ENOX1: variants seen among roughly 807,000 people sequenced by gnomAD.
The protein encoded by ENOX1 is ecto-NOX disulfide-thiol exchanger 1.
ENOX1 carries 42 observed loss-of-function variants against 82.5 expected under a neutral mutation model. The observed-to-expected ratio is 0.51, with a 90% CI of 0.40 to 0.66. The LOEUF is 0.66. Among genes scored for constraint, ENOX1 ranks in the 30% least tolerant of loss-of-function variants. The probability of loss-of-function intolerance (pLI) is 0.00; values close to 1 mark genes in which losing one functional copy is unlikely to be tolerated. For synonymous variants in ENOX1, 271 were observed against 282.2 expected, an observed-to-expected ratio of 0.96 and a Z score of 0.40; for missense variants, 608 against 811.6, an observed-to-expected ratio of 0.75 and a Z score of 3.05.
At chr13:43,479,965 T>C (rs2058446196) in intron 3 of ENOX1, among the ~76,000 whole-genome samples, 1 of 151,798 alleles carries the variant, frequency 6.6e-6, no homozygotes, top group South Asian at 2.1e-4. Flanking sequence ...GACAGAGCTG[T>C]TCTCTTGCTG....
intron 11 of ENOX1, among the ~76,000 whole-genome samples, chr13:43,305,603 G>A (rs1566468943): frequency 6.6e-6 from 1 of 152,080 alleles, no homozygotes; most frequent in Non-Finnish European, 1.5e-5. Context: ...AGCTCTTCCT[G>A]AGGAAGTACT....
At chr13:43,607,956 T>G (rs2082044088) in intron 2 of ENOX1, among the ~76,000 whole-genome samples, 1 of 152,178 alleles carries the variant, frequency 6.6e-6, no homozygotes, top group Non-Finnish European at 1.5e-5. Context: ...TGCAATGGCT[T>G]AAGGCTGGAA....
chr13:43,647,576 A>G (rs958750896), intron 2 of ENOX1, among the ~76,000 whole-genome samples: 3 of 152,210 alleles, frequency 2.0e-5, no homozygotes, highest in Non-Finnish European at 2.9e-5. Flanking sequence ...TAAATGACTT[A>G]GGAAGACTCT....
In ENOX1 at chr13:43,304,851, A is replaced by G. The variant is rs571629307; in HGVS notation, c.1262-6321T>C. 6.9e-4 allele frequency among the ~76,000 whole-genome samples: 105 copies of G among 152,152 alleles called. 2 individuals are homozygous for G. Among genetic ancestry groups the G allele is most frequent in the Non-Finnish European group, 2.5e-4 (17 of 68,032 alleles). On this transcript the variant is annotated intron_variant, in intron 11 of 16. Coordinates refer to ENST00000690772, the MANE Select transcript of ENOX1 (RefSeq NM_001347969.2). ...GAGTTTTGTCCATAGACCCATGCTG[A>G]TCTCAGGATTCCCAAAGATCCAGTA...
intron 2 of ENOX1, among the ~76,000 whole-genome samples, chr13:43,525,502 G>C (rs1372467817): frequency 1.3e-5 from 2 of 152,122 alleles, no homozygotes; most frequent in Admixed American, 1.3e-4. Context: ...ATTCCCAAAA[G>C]TAGAACTGCT....
At chr13:43,418,702 C>T (rs921916575) in intron 3 of ENOX1, among the ~76,000 whole-genome samples, 1 of 152,180 alleles carries the variant, frequency 6.6e-6, no homozygotes, top group African/African-American at 2.4e-5. Flanking sequence ...CACCACAAAA[C>T]AATCTGATAC....
intron 5 of ENOX1, among the ~76,000 whole-genome samples, chr13:43,373,453 C>T (rs889928607): frequency 5.9e-5 from 9 of 152,218 alleles, no homozygotes; most frequent in Non-Finnish European, 7.4e-5. Flanking sequence ...GTGTTGTACC[C>T]GACACACCAA....
At chr13:43,353,006 G>A (rs995776763) in intron 8 of ENOX1, among the ~76,000 whole-genome samples, 2 of 152,172 alleles carry the variant, frequency 1.3e-5, no homozygotes, top group African/African-American at 4.8e-5. Flanking sequence ...TTGAGGCAGG[G>A]GCTTGTTCAC....
chr13:43,307,947 C>A (rs1175100466), intron 11 of ENOX1, among the ~76,000 whole-genome samples: 4 of 152,188 alleles, frequency 2.6e-5, no homozygotes, highest in Non-Finnish European at 5.9e-5. Context: ...GGAGAGGAGG[C>A]CCCTCCCATG....
chr13:43,489,443 T>C (rs1386981882), intron 2 of ENOX1, among the ~76,000 whole-genome samples: 2 of 152,158 alleles, frequency 1.3e-5, no homozygotes, highest in Non-Finnish European at 2.9e-5. Flanking sequence ...TCCGCCTAGA[T>C]TTCAAAGGAT....
intron 1 of ENOX1, among the ~76,000 whole-genome samples, chr13:43,725,975 A>C (rs2153820001): frequency 6.6e-6 from 1 of 152,152 alleles, no homozygotes; most frequent in East Asian, 1.9e-4. Context: ...TCAAAAAAAA[A>C]AAAGGTTCTG....
chr13:43,293,216 C>T (rs536086077), intron 12 of ENOX1, among the ~76,000 whole-genome samples: 1 of 152,106 alleles, frequency 6.6e-6, no homozygotes, highest in African/African-American at 2.4e-5. Context: ...GTTGACATTA[C>T]CATTAGTCAC....
At chr13:43,776,946 C>T (rs1951951090) in intron 1 of ENOX1, among the ~76,000 whole-genome samples, 1 of 152,142 alleles carries the variant, frequency 6.6e-6, no homozygotes, top group Non-Finnish European at 1.5e-5. Flanking sequence ...GGGGTGAGCC[C>T]TTCATATACA....
intron 11 of ENOX1, among the ~76,000 whole-genome samples, chr13:43,315,626 T>C (rs767419909): frequency 3.3e-5 from 5 of 152,222 alleles, no homozygotes; most frequent in Non-Finnish European, 7.3e-5. Context: ...TGAAAACATA[T>C]TTTAACATCC....
intron 5 of ENOX1, among the ~76,000 whole-genome samples, chr13:43,391,647 C>T (rs1259884749): frequency 6.6e-6 from 1 of 152,038 alleles, no homozygotes; most frequent in African/African-American, 2.4e-5. Flanking sequence ...TCATCTAATC[C>T]ATCACAAAAT....
At chr13:43,629,216 A>G (rs1238247971) in intron 2 of ENOX1, among the ~76,000 whole-genome samples, 2 of 152,216 alleles carry the variant, frequency 1.3e-5, no homozygotes, top group African/African-American at 4.8e-5. Context: ...TGGCACGGGT[A>G]AGAGTGGGGC....
intron 5 of ENOX1, among the ~76,000 whole-genome samples, chr13:43,392,504 C>T (rs769989813): frequency 6.6e-6 from 1 of 152,106 alleles, no homozygotes; most frequent in Non-Finnish European, 1.5e-5. Context: ...TGTGGTGAAA[C>T]ACTGTCTCTA....
chr13:43,698,369 A>C lies in ENOX1; in HGVS notation c.-284-30825T>G, dbSNP rs371236864. ...TACAGTAAAAACAAAGAAAAGATCA[A>C]TTATATAAAGTTGGAAATACAGACC... On this transcript the variant is annotated intron_variant, in intron 1 of 16. Coordinates refer to ENST00000690772, the MANE Select transcript of ENOX1 (RefSeq NM_001347969.2). Among the ~76,000 whole-genome samples, 11 of 152,314 alleles carry C rather than the reference A, an allele frequency of 7.2e-5. No homozygotes were observed. The East Asian group carries it at 1.7e-3, about 24-fold the overall frequency.
chr13:43,735,957 A>T, intron 1 of ENOX1, among the ~76,000 whole-genome samples: 1 of 152,222 alleles, frequency 6.6e-6, no homozygotes, highest in Non-Finnish European at 1.5e-5. Flanking sequence ...AAAGTGCAAC[A>T]TTACAGAAGG....
Sources: allele counts gnomAD v4.1 joint callset (sites outside exome capture counted in the v4.1 genomes callset), GRCh38; gene constraint gnomAD v4.1.1; transcripts MANE v1.5; gene names NCBI Gene and HGNC (gene_info 2026-07-23, HGNC 2026-07-21).